The following AGAP1 variants were observed in gnomAD, a reference collection of about 807,000 sequenced individuals.
The protein encoded by AGAP1 is ArfGAP with GTPase domain, ankyrin repeat and PH domain 1.
AGAP1 carries 29 observed loss-of-function variants against 105.3 expected under a neutral mutation model. That is an observed-to-expected ratio of 0.28 (90% CI 0.21 to 0.38). AGAP1 has a LOEUF of 0.38. Ranked by LOEUF, AGAP1 falls within the 10% of genes least tolerant of loss-of-function variation. AGAP1 has a pLI of 1.00. For missense variants in AGAP1, 998 were observed against 1,165.1 expected, an observed-to-expected ratio of 0.86 and a Z score of 2.09; for synonymous variants, 509 against 485.9, an observed-to-expected ratio of 1.05 and a Z score of -0.63.
chr2:236,060,077 C>G (rs2058149531), intron 16 of AGAP1, among the ~76,000 whole-genome samples: 1 of 151,636 alleles, frequency 6.6e-6, no homozygotes, highest in African/African-American at 2.4e-5. Context: ...GGTGACAGAG[C>G]AAGACTTCGT....
In AGAP1 at chr2:235,977,197, T is replaced by C. The variant is rs2054897600; in HGVS notation, c.1645+8574T>C. Among the ~76,000 whole-genome samples, 1 of 152,134 alleles carries C rather than the reference T, an allele frequency of 6.6e-6. No individual in the cohort carries two copies. Among genetic ancestry groups the C allele is most frequent in the Non-Finnish European group, 1.5e-5 (1 of 68,024 alleles). On this transcript the variant is annotated intron_variant, in intron 13 of 17. Coordinates refer to ENST00000304032, the MANE Select transcript of AGAP1 (RefSeq NM_001037131.3). This position sits in a 1 kb window ranked among gnomAD's most constrained non-coding sequence, Gnocchi z 5.2. Reference sequence around the variant, plus strand: ...TGCACCCTGGGATTGGAATTCGGGCTAGCTTGGGAGACCCTGCATTGGTCG... The same window carrying C: ...TGCACCCTGGGATTGGAATTCGGGCCAGCTTGGGAGACCCTGCATTGGTCG...
intron 13 of AGAP1, among the ~76,000 whole-genome samples, chr2:236,022,813 C>T (rs1267257969): frequency 6.6e-6 from 1 of 152,034 alleles, no homozygotes; most frequent in Non-Finnish European, 1.5e-5. Flanking sequence ...GTTAGGATTA[C>T]AGGCTTGAGC....
chr2:236,094,717 T>C (rs1390974665), intron 16 of AGAP1, among the ~76,000 whole-genome samples: 3 of 152,048 alleles, frequency 2.0e-5, no homozygotes, highest in Non-Finnish European at 4.4e-5. Flanking sequence ...TCATGAAATT[T>C]GTGGACTGTA....
intron 9 of AGAP1, among the ~76,000 whole-genome samples, chr2:235,871,548 A>G (rs185574142): frequency 1.3e-5 from 2 of 152,376 alleles, no homozygotes; most frequent in Non-Finnish European, 2.9e-5. Context: ...CATCTCTGCC[A>G]GCCTCAGCCA....
At chr2:235,826,984 G>A (rs186827194) in intron 9 of AGAP1, among the ~76,000 whole-genome samples, 44 of 152,204 alleles carry the variant, frequency 2.9e-4, no homozygotes, top group Admixed American at 1.4e-3. Context: ...GTGGCTCCGC[G>A]TGTTGGAGAA....
At chr2:235,847,212 T>C (rs1106709) in intron 9 of AGAP1, among the ~76,000 whole-genome samples, 148 of 152,260 alleles carry the variant, frequency 9.7e-4, no homozygotes, top group African/African-American at 3.4e-3. Flanking sequence ...AATAGCAAAC[T>C]AAGGAAGAAA....
intron 1 of AGAP1, among the ~76,000 whole-genome samples, chr2:235,568,657 G>C (rs1347070996): frequency 6.6e-6 from 1 of 152,188 alleles, no homozygotes; most frequent in Non-Finnish European, 1.5e-5. Context: ...TGCTGTAACA[G>C]ATTACAACAT....
At chr2:235,928,532 G>A (rs192497738) in intron 11 of AGAP1, among the ~76,000 whole-genome samples, 1 of 152,308 alleles carries the variant, frequency 6.6e-6, no homozygotes, top group African/African-American at 2.4e-5. Context: ...GTTGAGCCCA[G>A]TGAGAAGCTA....
At chr2:235,798,505 C>T (rs1957344874) in intron 7 of AGAP1, among the ~76,000 whole-genome samples, 1 of 151,912 alleles carries the variant, frequency 6.6e-6, no homozygotes, top group Non-Finnish European at 1.5e-5. Flanking sequence ...TGGAAGGGTT[C>T]GGTGTCGTAC....
intron 14 of AGAP1, chr2:236,037,338 A>G (rs2057413623): frequency 6.6e-6 from 1 of 152,336 alleles, no homozygotes; most frequent in Non-Finnish European, 1.5e-5. Flanking sequence ...TATTAAAAAA[A>G]TAATGAGAGG....
chr2:235,851,456 G>A (rs1575613539), intron 9 of AGAP1, among the ~76,000 whole-genome samples: 2 of 152,204 alleles, frequency 1.3e-5, no homozygotes, highest in Non-Finnish European at 2.9e-5. Flanking sequence ...CGCACCATGT[G>A]CCGCAGGCGA....
chr2:235,576,780 C>T (rs1220003157), intron 1 of AGAP1, among the ~76,000 whole-genome samples: 3 of 152,222 alleles, frequency 2.0e-5, no homozygotes, highest in Non-Finnish European at 1.5e-5. Flanking sequence ...AGATGCCCAG[C>T]GTAAGGGTAC....
intron 16 of AGAP1, among the ~76,000 whole-genome samples, chr2:236,052,058 G>A (rs1473679919): frequency 6.6e-6 from 1 of 152,092 alleles, no homozygotes; most frequent in African/African-American, 2.4e-5. Context: ...GCCCCTCCTG[G>A]TCTCTCTGCA....
chr2:236,011,650 T>C (rs964284759), intron 13 of AGAP1, among the ~76,000 whole-genome samples: 3 of 152,162 alleles, frequency 2.0e-5, no homozygotes, highest in African/African-American at 7.2e-5. Flanking sequence ...GAAATAACAT[T>C]AGTAACAAAA....
chr2:235,796,493 CAGGATGATA>C (rs1957249923), intron 6 of AGAP1, among the ~76,000 whole-genome samples: 1 of 151,988 alleles, frequency 6.6e-6, no homozygotes, highest in Non-Finnish European at 1.5e-5. Flanking sequence ...ATCATCCTTT[CAGGATGATA>C]AGAGGCCTAT....
intron 1 of AGAP1, among the ~76,000 whole-genome samples, chr2:235,634,823 A>G (rs1217805499): frequency 1.3e-5 from 2 of 152,202 alleles, no homozygotes; most frequent in African/African-American, 4.8e-5. Flanking sequence ...TTCAGAGAGA[A>G]TTGAGTTTAC....
chr2:235,701,443 TGA>T lies in AGAP1; in HGVS notation c.164-7732_164-7731del, dbSNP rs1332715915. On this transcript the variant is annotated intron_variant, in intron 1 of 17. Transcript: ENST00000304032. The surrounding 1 kb of genome is among the most constrained non-coding windows in gnomAD (Gnocchi z 4.1). Reference sequence around the variant, plus strand: ...TGGCCAGGTGTTCGTCACCCTGCACTGAGAGGGCCTGGTGAATGGCAAGGTCA... The same window carrying T: ...TGGCCAGGTGTTCGTCACCCTGCACTGAGGGCCTGGTGAATGGCAAGGTCA... Among the ~76,000 whole-genome samples the T allele has an allele frequency of 1.3e-5, 2 of 152,052 alleles. No homozygotes were observed. Among genetic ancestry groups the T allele is most frequent in the Admixed American group, 1.3e-4 (2 of 15,264 alleles).
At chr2:235,581,129 T>C (rs1269627521) in intron 1 of AGAP1, among the ~76,000 whole-genome samples, 39 of 80,802 alleles carry the variant, frequency 4.8e-4, no homozygotes, top group Non-Finnish European at 7.7e-4. Context: ...AAACCCCATC[T>C]CAAGCAAAAA....
rs2058846847 is a variant in AGAP1 at position 236,083,668 on chromosome 2, G to A, written c.2114+34387G>A. Reference sequence around the variant, plus strand: ...ATAGTTTATTGTCTTATAATAATGTGGGCTTTTTTGTTTTACTTAATATAT... The same window carrying A: ...ATAGTTTATTGTCTTATAATAATGTAGGCTTTTTTGTTTTACTTAATATAT... On this transcript the variant is annotated intron_variant, in intron 16 of 17. Transcript: ENST00000304032. This position sits in a 1 kb window ranked among gnomAD's most constrained non-coding sequence, Gnocchi z 5.3. 6.6e-6 allele frequency among the ~76,000 whole-genome samples: 1 copy of A among 151,988 alleles called. No individual in the cohort carries two copies.
Sources: gnomAD v4.1 joint callset for allele counts (sites outside exome capture counted in the v4.1 genomes callset) on GRCh38, gnomAD v4.1.1 for gene constraint, Gnocchi (gnomAD v3.1) non-coding constraint, MANE v1.5 for transcripts, NCBI Gene and HGNC (gene_info 2026-07-23, HGNC 2026-07-21) for gene names.